The following OCA2 variants were observed in gnomAD, a reference collection of about 807,000 sequenced individuals.
OCA2 encodes P protein.
Under a neutral mutation model 100.2 loss-of-function variants are expected in OCA2, and 77 were observed. The ratio of observed to expected loss-of-function variants is 0.77; its 90% CI spans 0.64 to 0.93. The LOEUF (loss-of-function observed/expected upper bound fraction) is 0.93, where lower values mean the gene tolerates loss of function less well. OCA2 is among the 40% of genes least tolerant of loss of function. OCA2 has a pLI of 0.00. For synonymous variants in OCA2, 432 were observed against 439.2 expected (o/e 0.98, Z 0.21); for missense variants, 1,062 against 1,089.1 (o/e 0.98, Z 0.35).
In OCA2 at chr15:27,870,810, A is replaced by AAGAAAGAAAGAAAGAAAG. The variant is rs372518302; in HGVS notation, c.2244+343_2244+344insCTTTCTTTCTTTCTTTCT. Among the ~76,000 whole-genome samples, 59 of 88,246 alleles carry AAGAAAGAAAGAAAGAAAG rather than the reference A, an allele frequency of 6.7e-4. 1 individual carries two copies. Among genetic ancestry groups the AAGAAAGAAAGAAAGAAAG allele is most frequent in the African/African-American group, 1.6e-3 (57 of 35,152 alleles). The allele number at this position is 88,246 out of a possible 152,430, so 57.9% of individuals were successfully genotyped here. On this transcript the variant is annotated intron_variant, in intron 21 of 23. Transcript: ENST00000354638. ...AGAAAAAGAAAGAAAGAAAGAAAGA[A>AAGAAAGAAAGAAAGAAAG]AGAGAGAGAGAAAGAAAGAAAGAGA...
chr15:28,071,142 C>A (rs2044246216), intron 2 of OCA2, among the ~76,000 whole-genome samples: 2 of 129,098 alleles, frequency 1.5e-5, no homozygotes, highest in Non-Finnish European at 1.5e-5. Context: ...CTGTGAGAAA[C>A]ACCCAAGAAT....
intron 2 of OCA2, among the ~76,000 whole-genome samples, chr15:28,065,210 G>C (rs917982328): frequency 3.9e-5 from 6 of 152,018 alleles, no homozygotes; most frequent in African/African-American, 1.4e-4. Context: ...TGAGGTGAAA[G>C]TTTAGGGTTT....
At chr15:28,068,378 G>A (rs2044089341) in intron 2 of OCA2, among the ~76,000 whole-genome samples, 1 of 152,134 alleles carries the variant, frequency 6.6e-6, no homozygotes, top group Non-Finnish European at 1.5e-5. Context: ...TAAATTCCTG[G>A]AAGCACACAA....
chr15:27,901,889 A>G (rs2037951803), intron 19 of OCA2, among the ~76,000 whole-genome samples: 2 of 152,204 alleles, frequency 1.3e-5, no homozygotes, highest in Non-Finnish European at 2.9e-5. Context: ...GGCTGGGGAC[A>G]CAAGACTTCA....
intron 2 of OCA2, among the ~76,000 whole-genome samples, chr15:28,077,565 C>T (rs145986296): frequency 1.1e-4 from 17 of 152,218 alleles, no homozygotes; most frequent in Non-Finnish European, 2.2e-4. Context: ...ACAGAGCAGG[C>T]GCAGGGTCCC....
chr15:27,866,251 C>A (rs1258931076), intron 21 of OCA2, among the ~76,000 whole-genome samples: 1 of 152,180 alleles, frequency 6.6e-6, no homozygotes, highest in Non-Finnish European at 1.5e-5. Context: ...CAGCTGCCAC[C>A]AGTGGCAAAG....
intron 14 of OCA2, among the ~76,000 whole-genome samples, chr15:27,975,472 G>C (rs2040936456): frequency 6.6e-6 from 1 of 152,134 alleles, no homozygotes; most frequent in South Asian, 2.1e-4. Flanking sequence ...TATAGTGAGA[G>C]GTGTGGACTA....
chr15:27,913,890 AG>A (rs2038535869), intron 19 of OCA2, among the ~76,000 whole-genome samples: 1 of 52,058 alleles, frequency 1.9e-5, no homozygotes, highest in Non-Finnish European at 3.6e-5. Context: ...AAAGAAAGAA[AG>A]AAAGCAAGCA....
intron 21 of OCA2, among the ~76,000 whole-genome samples, chr15:27,859,129 A>T (rs2036042115): frequency 6.6e-6 from 1 of 152,096 alleles, no homozygotes; most frequent in South Asian, 2.1e-4. Flanking sequence ...TAAAAAGGCA[A>T]GCAAACTAAA....
At chr15:28,055,633 G>A (rs2043668194) in intron 2 of OCA2, among the ~76,000 whole-genome samples, 1 of 152,210 alleles carries the variant, frequency 6.6e-6, no homozygotes, top group Non-Finnish European at 1.5e-5. Context: ...CCCCTCCCAG[G>A]CCACATCACA....
intron 14 of OCA2, among the ~76,000 whole-genome samples, chr15:27,973,555 C>T (rs571601574): frequency 1.3e-5 from 2 of 152,248 alleles, no homozygotes; most frequent in African/African-American, 2.4e-5. Context: ...TACTTTTATA[C>T]TAGTACCATG....
At chr15:27,942,544 A>AG (rs1461124863) in intron 18 of OCA2, among the ~76,000 whole-genome samples, 1 of 152,088 alleles carries the variant, frequency 6.6e-6, no homozygotes, top group East Asian at 1.9e-4. Context: ...TAATGGGTAT[A>AG]GGATTATTTG....
intron 2 of OCA2, among the ~76,000 whole-genome samples, chr15:28,058,145 T>A (rs2043761838): frequency 6.6e-6 from 1 of 152,072 alleles, no homozygotes; most frequent in African/African-American, 2.4e-5. Flanking sequence ...TCCCCCCCAA[T>A]AATGAAATGA....
chr15:27,959,446 T>G (rs950591675), intron 15 of OCA2, among the ~76,000 whole-genome samples: 3 of 152,196 alleles, frequency 2.0e-5, no homozygotes, highest in Non-Finnish European at 4.4e-5. Context: ...GTGGAAGGTC[T>G]CCAATGTAAG....
chr15:27,820,642 G>GA (rs1297120110), intron 23 of OCA2, among the ~76,000 whole-genome samples: 1 of 152,186 alleles, frequency 6.6e-6, no homozygotes, highest in Non-Finnish European at 1.5e-5. Context: ...TCCTGGAACA[G>GA]AAAAGGATAT....
intron 9 of OCA2, among the ~76,000 whole-genome samples, chr15:28,013,528 G>T (rs1013196972): frequency 1.3e-5 from 2 of 152,160 alleles, no homozygotes; most frequent in Non-Finnish European, 2.9e-5. Flanking sequence ...TGGGAGCAGG[G>T]ATCTTGGTAA....
At chr15:27,889,519 C>T (rs2037369659) in intron 19 of OCA2, among the ~76,000 whole-genome samples, 1 of 152,174 alleles carries the variant, frequency 6.6e-6, no homozygotes, top group Admixed American at 6.5e-5. Flanking sequence ...ATCTGGGGTA[C>T]CTGGCCTGCC....
intron 9 of OCA2, among the ~76,000 whole-genome samples, chr15:27,993,706 G>A (rs567954264): frequency 9.2e-5 from 14 of 152,206 alleles, no homozygotes; most frequent in African/African-American, 2.4e-4. Context: ...CGGCTTGCAA[G>A]TGATCCACAC....
chr15:28,074,691 A>T (rs2044375712), intron 2 of OCA2, among the ~76,000 whole-genome samples: 1 of 142,792 alleles, frequency 7.0e-6, no homozygotes, highest in South Asian at 2.2e-4. Context: ...AAAAAAAAAA[A>T]AAAAAATTAG....
Sources: allele counts gnomAD v4.1 joint callset (sites outside exome capture counted in the v4.1 genomes callset), GRCh38; gene constraint gnomAD v4.1.1; transcripts MANE v1.5; gene names NCBI Gene and HGNC (gene_info 2026-07-23, HGNC 2026-07-21).